USP33: variants seen among roughly 807,000 people sequenced by gnomAD.
USP33 encodes ubiquitin carboxyl-terminal hydrolase 33.
A neutral mutation model predicts 124.2 loss-of-function variants in USP33; 46 were observed. That is an observed-to-expected ratio of 0.37 (90% CI 0.29 to 0.47). The LOEUF (loss-of-function observed/expected upper bound fraction) is 0.47, where lower values mean the gene tolerates loss of function less well. Among genes scored for constraint, USP33 ranks in the 20% least tolerant of loss-of-function variants. The pLI, the probability that USP33 is intolerant of heterozygous loss-of-function variation, is 0.99. For missense variants in USP33, 851 were observed against 1,070.6 expected, an observed-to-expected ratio of 0.79 and a Z score of 2.86; for synonymous variants, 350 against 352.3, an observed-to-expected ratio of 0.99 and a Z score of 0.07.
At chr1:77,708,587 T>A (rs531212449) in intron 21 of USP33, among the ~76,000 whole-genome samples, 1 of 152,352 alleles carries the variant, frequency 6.6e-6, no homozygotes, top group Non-Finnish European at 1.5e-5. Context: ...CAGTTTTGAA[T>A]TTTTTAAAAC....
At chr1:77,721,113 T>A in intron 15 of USP33, 59 bp downstream of exon 15, 1 of 1,602,046 alleles carries the variant, frequency 6.2e-7, no homozygotes, top group Non-Finnish European at 8.5e-7. Flanking sequence ...ACATACCCAA[T>A]TCTAAAAACC....
chr1:77,701,655 A>G, intron 21 of USP33, 184 bp from the exon 22 acceptor site: 1 of 480,648 alleles, frequency 2.1e-6, no homozygotes, highest in Non-Finnish European at 3.6e-6. Context: ...TACAAAAAAA[A>G]CATTATTTTT....
chr1:77,702,952 C>T lies in USP33; in HGVS notation c.2407-1481G>A, dbSNP rs527837772. The stretch of plus-strand genomic sequence containing the variant: ...GTGTGTAGTAGTGTGTAAGTAATTG[C>T]CCATCTCATGATGGGCAATTCAATC... On this transcript the variant is annotated intron_variant, in intron 21 of 23. Coordinates refer to ENST00000370794, the MANE Select transcript of USP33 (RefSeq NM_201624.3). Among the ~76,000 whole-genome samples, 70 of 151,998 alleles carry T rather than the reference C, an allele frequency of 4.6e-4. No homozygotes were observed. The South Asian group carries it at 0.014, about 30-fold the overall frequency.
intron 20 of USP33, among the ~76,000 whole-genome samples, chr1:77,712,531 A>T (rs1318200459): frequency 1.3e-5 from 2 of 152,062 alleles, no homozygotes; most frequent in Non-Finnish European, 2.9e-5. Flanking sequence ...TTAAAATTTT[A>T]AAGTTTACGA....
chr1:77,727,322 A>G (rs1677285852), intron 10 of USP33, among the ~76,000 whole-genome samples: 2 of 152,230 alleles, frequency 1.3e-5, no homozygotes, highest in Admixed American at 1.3e-4. Flanking sequence ...CCTGTTACAG[A>G]GCAATCAAAG....
At chr1:77,723,474 A>T in intron 11 of USP33, 31 bp from the exon 12 acceptor site, 1 of 1,429,090 alleles carries the variant, frequency 7.0e-7, no homozygotes, top group East Asian at 2.3e-5. Flanking sequence ...AAAAAAATCA[A>T]AGCAGCTCCT....
intron 15 of USP33, 79 bp from the exon 16 acceptor site, chr1:77,718,720 A>G: frequency 8.9e-7 from 1 of 1,125,270 alleles, no homozygotes; most frequent in Non-Finnish European, 1.3e-6. Context: ...ATCTTTTAGA[A>G]AATGCAGAGA....
chr1:77,747,368 C>T (rs1355118152), intron 1 of USP33, among the ~76,000 whole-genome samples: 1 of 151,724 alleles, frequency 6.6e-6, no homozygotes, highest in East Asian at 1.9e-4. Flanking sequence ...AATTCCACTG[C>T]CGCAGCCTTC....
intron 1 of USP33, among the ~76,000 whole-genome samples, chr1:77,749,782 G>A (rs1680117121): frequency 1.3e-5 from 2 of 152,114 alleles, no homozygotes; most frequent in Admixed American, 1.3e-4. Context: ...TTCTGCATTT[G>A]CCAATGAAAT....
chr1:77,721,283 T>A (rs1676532214), intron 14 of USP33, 78 bp from the exon 15 acceptor site: 3 of 1,525,162 alleles, frequency 2.0e-6, no homozygotes, highest in Admixed American at 3.4e-5. Flanking sequence ...TATTTGATTT[T>A]GCCCCATGCT....
chr1:77,737,685 A>C (rs973990518), intron 5 of USP33, among the ~76,000 whole-genome samples: 2 of 152,248 alleles, frequency 1.3e-5, no homozygotes, highest in African/African-American at 4.8e-5. Flanking sequence ...ACAAGTCATC[A>C]GAAAATTATT....
chr1:77,751,209 C>A (rs976800589), intron 1 of USP33, among the ~76,000 whole-genome samples: 3 of 152,166 alleles, frequency 2.0e-5, no homozygotes, highest in Non-Finnish European at 4.4e-5. Flanking sequence ...CCTCTATCTG[C>A]CACACTAACT....
chr1:77,702,220 C>T (rs56259955), intron 21 of USP33, among the ~76,000 whole-genome samples: 8,217 of 130,474 alleles, frequency 0.063, 358 homozygotes, highest in South Asian at 0.16. Context: ...TACTAGAATA[C>T]GTGGTAGCAT....
At chr1:77,735,662 G>A (rs1029938240) in intron 6 of USP33, among the ~76,000 whole-genome samples, 7 of 152,180 alleles carry the variant, frequency 4.6e-5, no homozygotes, top group Non-Finnish European at 8.8e-5. Flanking sequence ...TCTCAATTTA[G>A]GGGAAGAAGG....
At chr1:77,753,986 A>C (rs1451585171) in intron 1 of USP33, among the ~76,000 whole-genome samples, 1 of 152,194 alleles carries the variant, frequency 6.6e-6, no homozygotes, top group Non-Finnish European at 1.5e-5. Flanking sequence ...CACATGTTCC[A>C]ATTGAACATG....
At chr1:77,703,710 C>T (rs1674293968) in intron 21 of USP33, among the ~76,000 whole-genome samples, 1 of 152,154 alleles carries the variant, frequency 6.6e-6, no homozygotes, top group African/African-American at 2.4e-5. Flanking sequence ...TCAATGTTTC[C>T]CTTTTCCATT....
intron 22 of USP33, among the ~76,000 whole-genome samples, chr1:77,699,054 T>TA (rs995539857): frequency 6.6e-6 from 1 of 151,620 alleles, no homozygotes; most frequent in African/African-American, 2.4e-5. Flanking sequence ...AATTTACAAT[T>TA]AAAAAAACCC....
At chr1:77,725,327 G>A (rs995721880) in intron 11 of USP33, among the ~76,000 whole-genome samples, 9 of 152,134 alleles carry the variant, frequency 5.9e-5, no homozygotes, top group Admixed American at 4.6e-4. Flanking sequence ...GGAATTCTTT[G>A]GGGTGTTAGA....
intron 12 of USP33, 152 bp from the exon 13 acceptor site, chr1:77,722,348 G>T: frequency 4.5e-6 from 3 of 662,656 alleles, no homozygotes; most frequent in Non-Finnish European, 7.2e-6. Context: ...TGCTTTCATA[G>T]TCATAATAGC....
Sources: gnomAD v4.1 joint callset for allele counts (sites outside exome capture counted in the v4.1 genomes callset) on GRCh38, gnomAD v4.1.1 for gene constraint, MANE v1.5 for transcripts, NCBI Gene and HGNC (gene_info 2026-07-23, HGNC 2026-07-21) for gene names.